NEIL3: variants seen among roughly 807,000 people sequenced by gnomAD.
NEIL3 encodes the protein endonuclease 8-like 3.
A neutral mutation model predicts 57.5 loss-of-function variants in NEIL3; 48 were observed. The observed-to-expected ratio is 0.83, with a 90% CI of 0.66 to 1.06. The LOEUF (loss-of-function observed/expected upper bound fraction) is 1.06. Ranked by LOEUF, NEIL3 falls within the 50% of genes least tolerant of loss-of-function variation. The pLI is 0.00. For synonymous variants in NEIL3, 261 were observed against 253.2 expected (o/e 1.03, Z -0.29); for missense variants, 717 against 739.1 (o/e 0.97, Z 0.35).
chr4:177,339,512 C>T (rs917623525), intron 4 of NEIL3, among the ~76,000 whole-genome samples: 15 of 152,018 alleles, frequency 9.9e-5, no homozygotes, highest in African/African-American at 1.9e-4. Flanking sequence ...AAGTGGAAGT[C>T]GGTCATCATA....
Position 177,362,459 on chromosome 4 carries a change from T to A in NEIL3, c.1806T>A (p.Ile602=), listed in dbSNP as rs1264564811. 6.2e-7 allele frequency: 1 copy of A among 1,611,346 alleles called. No homozygotes were observed. Among genetic ancestry groups the A allele is most frequent in the South Asian group, 1.1e-5 (1 of 90,676 alleles). The part of the protein sequence containing the change: ...WAENGPGIKI[I]PGC ...AAAATGGGCCAGGAATAAAAATTAT[T>A]CCTGGATGCTAATATCTGTAGATTC... Residue 602 remains isoleucine, a synonymous_variant, in exon 10 of 10, where the codon ATT becomes ATA. Coordinates refer to ENST00000264596, the MANE Select transcript of NEIL3 (RefSeq NM_018248.3).
intron 1 of NEIL3, among the ~76,000 whole-genome samples, chr4:177,319,619 C>G (rs540262374): frequency 6.6e-6 from 1 of 151,994 alleles, no homozygotes; most frequent in Non-Finnish European, 1.5e-5. Flanking sequence ...TGTCCCTCCC[C>G]GCAAGTCCCC....
chr4:177,322,153 T>C (rs1375038204), intron 1 of NEIL3, among the ~76,000 whole-genome samples: 1 of 152,226 alleles, frequency 6.6e-6, no homozygotes, highest in East Asian at 1.9e-4. Flanking sequence ...ATTCGTGTTG[T>C]ATTCCTATGC....
intron 2 of NEIL3, among the ~76,000 whole-genome samples, chr4:177,323,348 C>T (rs747806461): frequency 5.9e-5 from 9 of 152,180 alleles, no homozygotes; most frequent in Non-Finnish European, 1.0e-4. Context: ...ATACTGACCA[C>T]AGTTATCACC....
rs768888632 is a variant in NEIL3, at chr4:177,353,287, ATTAC to A, written c.1040-18_1040-15del. On this transcript the variant is annotated splice_polypyrimidine_tract_variant and intron_variant, in intron 7 of 9. Coordinates refer to ENST00000264596, the MANE Select transcript of NEIL3 (RefSeq NM_018248.3). The stretch of plus-strand genomic sequence containing the variant: ...GTTATATTTATGGGACTATTGCAGA[ATTAC>A]TTCTCTCTCCTTCCAGATTCAGTGC... 6.3e-7 allele frequency: 1 copy of A among 1,587,534 alleles called. No individual in the cohort carries two copies. Among genetic ancestry groups the A allele is most frequent in the Non-Finnish European group, 8.6e-7 (1 of 1,168,608 alleles).
intron 6 of NEIL3, chr4:177,343,868 A>G (rs55726793): frequency 6.6e-6 from 1 of 151,994 alleles, no homozygotes; most frequent in Non-Finnish European, 1.5e-5. Context: ...ATAGGTATAC[A>G]TTTATTTGAC....
intron 3 of NEIL3, 62 bp downstream of exon 3, chr4:177,335,884 A>G (rs906900648): frequency 2.2e-6 from 3 of 1,394,512 alleles, no homozygotes; most frequent in Non-Finnish European, 2.9e-6. Context: ...TTGGGATGTC[A>G]CACGTGTAAC....
chr4:177,315,243 G>C (rs1192485359), intron 1 of NEIL3, among the ~76,000 whole-genome samples: 2 of 152,134 alleles, frequency 1.3e-5, no homozygotes, highest in East Asian at 3.9e-4. Flanking sequence ...TAAAAAGTTT[G>C]TCTTTCTTGT....
chr4:177,330,366 C>T (rs541831479), intron 2 of NEIL3, among the ~76,000 whole-genome samples: 1 of 152,122 alleles, frequency 6.6e-6, no homozygotes, highest in South Asian at 2.1e-4. Flanking sequence ...AGGAAATGTT[C>T]TGGCATTAAA....
the NEIL3 span, among the ~76,000 whole-genome samples, chr4:177,370,526 A>G: frequency 6.6e-6 from 1 of 152,172 alleles, no homozygotes; most frequent in African/African-American, 2.4e-5. Flanking sequence ...GAAGAAACCT[A>G]TTGTTCTACT....
Position 177,335,607 on chromosome 4 carries a change from A to C in NEIL3, c.279-81A>C, listed in dbSNP as rs1003068037. 324 of 1,152,262 alleles carry C rather than the reference A, an allele frequency of 2.8e-4. No individual in the cohort carries two copies. In the African/African-American group the frequency reaches 7.4e-3, roughly 26 times the overall value. The allele number at this position is 1,152,262 out of a possible 1,614,324, so 71.4% of individuals were successfully genotyped here. ...CTAACATTTGTTTGCTTATAATCCA[A>C]AAAAAAAATGATAGTACAGGAAAAA... On this transcript the variant is annotated intron_variant, in intron 2 of 9. Coordinates refer to ENST00000264596, the MANE Select transcript of NEIL3 (RefSeq NM_018248.3).
At chr4:177,337,727 G>A (rs1452770256) in intron 4 of NEIL3, among the ~76,000 whole-genome samples, 1 of 152,128 alleles carries the variant, frequency 6.6e-6, no homozygotes, top group Non-Finnish European at 1.5e-5. Flanking sequence ...GGCCAGGCAC[G>A]GTGGTTCATG....
chr4:177,334,067 T>C (rs951386848), intron 2 of NEIL3, among the ~76,000 whole-genome samples: 1 of 152,044 alleles, frequency 6.6e-6, no homozygotes, highest in Admixed American at 6.6e-5. Flanking sequence ...ACTAATTAAT[T>C]ATGAGGAATC....
chr4:177,319,280 G>A (rs1318756339), intron 1 of NEIL3, among the ~76,000 whole-genome samples: 4 of 152,196 alleles, frequency 2.6e-5, no homozygotes, highest in African/African-American at 9.6e-5. Flanking sequence ...GTCCAGGTAG[G>A]GAGAAGACAA....
chr4:177,328,146 C>T (rs1734817843), intron 2 of NEIL3, among the ~76,000 whole-genome samples: 1 of 151,820 alleles, frequency 6.6e-6, no homozygotes, highest in Admixed American at 6.6e-5. Context: ...TTTGGAGTTC[C>T]AGAAAGGAAA....
chr4:177,318,730 C>G (rs1434609749), intron 1 of NEIL3, among the ~76,000 whole-genome samples: 5 of 152,190 alleles, frequency 3.3e-5, no homozygotes, highest in Non-Finnish European at 4.4e-5. Context: ...CTCCCCCAAT[C>G]TTGCTCTCTC....
intron 1 of NEIL3, among the ~76,000 whole-genome samples, chr4:177,312,502 T>C (rs1447741488): frequency 6.6e-6 from 1 of 152,248 alleles, no homozygotes; most frequent in Non-Finnish European, 1.5e-5. Flanking sequence ...AATTCTCTTA[T>C]ATCTATTCTG....
intron 1 of NEIL3, among the ~76,000 whole-genome samples, chr4:177,313,274 G>C (rs1460224693): frequency 6.6e-6 from 1 of 152,184 alleles, no homozygotes; most frequent in Non-Finnish European, 1.5e-5. Context: ...ATAATGGACT[G>C]TTACTGTGTC....
intron 6 of NEIL3, among the ~76,000 whole-genome samples, chr4:177,346,757 C>T (rs774923200): frequency 9.9e-5 from 15 of 152,078 alleles, no homozygotes; most frequent in Non-Finnish European, 1.9e-4. Context: ...AATCCCAGTA[C>T]TTTAAAAGGC....
Sources: allele counts gnomAD v4.1 joint callset (sites outside exome capture counted in the v4.1 genomes callset), GRCh38; gene constraint gnomAD v4.1.1; transcripts MANE v1.5; gene names NCBI Gene and HGNC (gene_info 2026-07-23, HGNC 2026-07-21).